The following DIAPH2 variants were observed in gnomAD, a reference collection of about 807,000 sequenced individuals.
DIAPH2 encodes diaphanous related formin 2.
A neutral mutation model predicts 92.7 loss-of-function variants in DIAPH2; 35 were observed. The ratio of observed to expected loss-of-function variants is 0.38; its 90% CI spans 0.29 to 0.50. The LOEUF is 0.50. DIAPH2 is among the 20% of genes least tolerant of loss of function. The pLI is 0.94. For synonymous variants in DIAPH2, 301 were observed against 280.4 expected, an observed-to-expected ratio of 1.07 and a Z score of -0.73; for missense variants, 701 against 819.5, an observed-to-expected ratio of 0.86 and a Z score of 1.77.
intron 21 of DIAPH2, among the ~76,000 whole-genome samples, chrX:97,132,848 A>AT (rs1374667195): frequency 1.8e-5 from 2 of 111,962 alleles, no homozygotes; most frequent in Non-Finnish European, 3.8e-5. Context: ...AAGGACAATT[A>AT]TATATGTGTA....
At chrX:96,785,868 C>G (rs1480556066) in intron 4 of DIAPH2, among the ~76,000 whole-genome samples, 1 of 111,382 alleles carries the variant, frequency 9.0e-6, no homozygotes, top group Non-Finnish European at 1.9e-5. Context: ...CCTCCTAATA[C>G]CGCCACAATG....
chrX:97,218,120 C>G (rs906241544), intron 22 of DIAPH2, among the ~76,000 whole-genome samples: 4 of 105,543 alleles, frequency 3.8e-5, no homozygotes, highest in African/African-American at 1.4e-4. Context: ...ACAAGAGTCT[C>G]GCTCTGTCAC....
intron 10 of DIAPH2, among the ~76,000 whole-genome samples, chrX:96,935,350 G>T (rs1395871589): frequency 1.8e-5 from 2 of 111,323 alleles, no homozygotes; most frequent in Non-Finnish European, 3.8e-5. Context: ...ACATATATAT[G>T]TGTATGTATA....
chrX:96,978,300 A>G (rs2147837894), intron 17 of DIAPH2, among the ~76,000 whole-genome samples: 1 of 111,294 alleles, frequency 9.0e-6, no homozygotes, highest in Non-Finnish European at 1.9e-5. Flanking sequence ...TATTTCAGTA[A>G]TTTGTGTTCA....
At chrX:96,962,344 TATATATACAC>T (rs1364311623) in intron 16 of DIAPH2, among the ~76,000 whole-genome samples, 5 of 73,738 alleles carry the variant, frequency 6.8e-5, no homozygotes, top group African/African-American at 2.7e-4. Context: ...TATACATATA[TATATATACAC>T]ATATATATAT....
chrX:96,852,802 G>A (rs2065014228), intron 4 of DIAPH2, among the ~76,000 whole-genome samples: 1 of 111,936 alleles, frequency 8.9e-6, no homozygotes, highest in Admixed American at 9.5e-5. Context: ...TGATCCTTTA[G>A]TAAATTGACC....
In DIAPH2 at chrX:96,685,090, C is replaced by T; in HGVS notation, c.32C>T (p.Ala11Val). 2 of 1,007,406 alleles carry T rather than the reference C, an allele frequency of 2.0e-6. No individual in the cohort carries two copies. Among genetic ancestry groups the T allele is most frequent in the Non-Finnish European group, 2.5e-6 (2 of 790,669 alleles). The allele number at this position is 1,007,406 out of a possible 1,213,427, so 83.0% of individuals were successfully genotyped here. Residue 11 changes from alanine (A) to valine (V), a missense_variant, in exon 1 of 27, where the codon GCG becomes GTG. By Grantham distance (64) the Ala-to-Val change is moderately conservative (BLOSUM62 0). Transcript: ENST00000324765. Reference protein sequence around the residue: MEQPGAAASGAGGGSEEPGGG... With the variant: MEQPGAAASGVGGGSEEPGGG... Reference sequence around the variant, plus strand: ...CAGCCCGGGGCGGCGGCGTCGGGAGCGGGAGGCGGCAGCGAGGAACCCGGT... The same window carrying T: ...CAGCCCGGGGCGGCGGCGTCGGGAGTGGGAGGCGGCAGCGAGGAACCCGGT...
intron 26 of DIAPH2, among the ~76,000 whole-genome samples, chrX:97,509,465 A>T (rs1461402068): frequency 2.0e-4 from 6 of 29,321 alleles, no homozygotes; most frequent in Admixed American, 4.7e-4. Context: ...ATTGGCATTC[A>T]TGTTGCTTTT....
intron 23 of DIAPH2, among the ~76,000 whole-genome samples, chrX:97,328,838 G>T (rs5921786): frequency 3.6e-5 from 4 of 110,692 alleles, no homozygotes; most frequent in Non-Finnish European, 5.7e-5. Context: ...TAGTACATTA[G>T]TATTTTTATC....
chrX:96,867,398 T>C (rs750551676), intron 4 of DIAPH2, among the ~76,000 whole-genome samples: 14 of 110,839 alleles, frequency 1.3e-4, no homozygotes, highest in South Asian at 3.9e-4. Flanking sequence ...TTTTGTATTT[T>C]TAGTAGAGAC....
intron 19 of DIAPH2, among the ~76,000 whole-genome samples, chrX:97,093,709 A>T (rs1396079199): frequency 8.9e-6 from 1 of 112,225 alleles, no homozygotes; most frequent in African/African-American, 3.2e-5. Context: ...ATCATAAATT[A>T]TGTAGAAAGC....
chrX:97,271,305 G>A lies in DIAPH2; in HGVS notation c.2844+23466G>A, dbSNP rs2068384428. Among the ~76,000 whole-genome samples the A allele has an allele frequency of 4.5e-5, 5 of 111,859 alleles. No homozygotes were observed. The Admixed American group carries it at 4.8e-4, about 11-fold the overall frequency. ...CTGTATTCATTAATGCTGTCCTTCAGATAATTGCTCTAAATGATGTTCACA... is the reference window on the plus strand; with the variant it reads ...CTGTATTCATTAATGCTGTCCTTCAAATAATTGCTCTAAATGATGTTCACA... On this transcript the variant is annotated intron_variant, in intron 23 of 26. Transcript: ENST00000324765.
At chrX:96,685,218 C>G (rs1403308229) in intron 1 of DIAPH2, 28 bp downstream of exon 1, 1 of 987,170 alleles carries the variant, frequency 1.0e-6, no homozygotes, top group East Asian at 3.8e-5. Flanking sequence ...CCCCGCCGGC[C>G]TTAGGGACAG....
chrX:96,776,836 A>G (rs923136714), intron 4 of DIAPH2, among the ~76,000 whole-genome samples: 4 of 111,864 alleles, frequency 3.6e-5, no homozygotes, highest in African/African-American at 6.5e-5. Flanking sequence ...AGAGTTCAAT[A>G]CATTTTAGAA....
chrX:97,383,696 A>G (rs187356843), intron 24 of DIAPH2, among the ~76,000 whole-genome samples: 1 of 109,229 alleles, frequency 9.2e-6, no homozygotes, highest in Non-Finnish European at 1.9e-5. Flanking sequence ...AAGTATATAT[A>G]TGCACATTCA....
chrX:96,769,508 T>G (rs144883762), intron 4 of DIAPH2, among the ~76,000 whole-genome samples: 40 of 112,124 alleles, frequency 3.6e-4, no homozygotes, highest in Middle Eastern at 4.6e-3. Context: ...TAATAACATT[T>G]ACCTGCTTAA....
intron 4 of DIAPH2, among the ~76,000 whole-genome samples, chrX:96,830,570 C>CAAAAAAAAA (rs776270215): frequency 7.4e-5 from 1 of 13,448 alleles, no homozygotes; most frequent in Non-Finnish European, 1.1e-4. Flanking sequence ...GACTCAGTCT[C>CAAAAAAAAA]AAAAAAAAAA....
intron 24 of DIAPH2, among the ~76,000 whole-genome samples, chrX:97,355,632 T>C (rs2069258984): frequency 9.0e-6 from 1 of 111,494 alleles, no homozygotes; most frequent in Non-Finnish European, 1.9e-5. Context: ...CGTGATGTGC[T>C]TCTTTAATGA....
intron 19 of DIAPH2, among the ~76,000 whole-genome samples, chrX:97,091,037 C>T (rs1021702596): frequency 9.0e-6 from 1 of 111,154 alleles, no homozygotes; most frequent in East Asian, 2.8e-4. Context: ...ACAGGATATT[C>T]GCTCTGTTGC....
Sources: gnomAD v4.1 joint callset for allele counts (sites outside exome capture counted in the v4.1 genomes callset) on GRCh38, gnomAD v4.1.1 for gene constraint, MANE v1.5 for transcripts, NCBI Gene and HGNC (gene_info 2026-07-23, HGNC 2026-07-21) for gene names.